The following TRPM3 variants were observed in gnomAD, a reference collection of about 807,000 sequenced individuals.
The protein encoded by TRPM3 is long transient receptor potential channel 3.
TRPM3 carries 77 observed loss-of-function variants against 181.2 expected under a neutral mutation model. The observed-to-expected ratio is 0.42, with a 90% CI of 0.35 to 0.51. TRPM3 has a LOEUF of 0.51. TRPM3 is among the 20% of genes least tolerant of loss of function. TRPM3 has a pLI of 0.01. For synonymous variants in TRPM3, 745 were observed against 796.4 expected, an observed-to-expected ratio of 0.94 and a Z score of 1.09; for missense variants, 1,759 against 2,196.7, an observed-to-expected ratio of 0.80 and a Z score of 3.98.
At chr9:70,909,648 T>C (rs1271877969) in intron 1 of TRPM3, among the ~76,000 whole-genome samples, 2 of 152,142 alleles carry the variant, frequency 1.3e-5, no homozygotes, top group African/African-American at 2.4e-5. Flanking sequence ...GGGTACAATA[T>C]ACAATCTAAT....
At chr9:70,598,369 C>T (rs1181871441) in intron 21 of TRPM3, 50 bp downstream of exon 21, 3 of 1,597,000 alleles carry the variant, frequency 1.9e-6, no homozygotes, top group Non-Finnish European at 2.6e-6. Flanking sequence ...TCTATTATCA[C>T]CATTCCTCCT....
intron 7 of TRPM3, 52 bp from the exon 8 acceptor site, chr9:70,761,776 G>T (rs766945546): frequency 1.3e-6 from 2 of 1,562,560 alleles, no homozygotes; most frequent in South Asian, 2.4e-5. Context: ...TATTCAGCAA[G>T]TATTTCTGAG....
At chr9:70,922,400 C>G (rs2096666749) in intron 1 of TRPM3, among the ~76,000 whole-genome samples, 2 of 152,036 alleles carry the variant, frequency 1.3e-5, no homozygotes, top group African/African-American at 4.8e-5. Flanking sequence ...ACTGTTGTGC[C>G]AATTGCATAT....
intron 1 of TRPM3, among the ~76,000 whole-genome samples, chr9:71,309,220 A>G (rs1273398626): frequency 6.6e-6 from 1 of 152,220 alleles, no homozygotes; most frequent in Non-Finnish European, 1.5e-5. Context: ...GCTTTTTAAT[A>G]GCTGTAACGT....
chr9:70,659,205 C>T (rs947940906), intron 9 of TRPM3, among the ~76,000 whole-genome samples: 2 of 152,074 alleles, frequency 1.3e-5, no homozygotes, highest in African/African-American at 4.8e-5. Flanking sequence ...GTGTGCTTTC[C>T]TTTAAGGAAC....
chr9:71,245,951 A>C (rs1349339860), intron 1 of TRPM3, among the ~76,000 whole-genome samples: 3 of 152,226 alleles, frequency 2.0e-5, no homozygotes, highest in African/African-American at 7.2e-5. Flanking sequence ...GATGAAGTTA[A>C]AGGAGAATGG....
intron 1 of TRPM3, among the ~76,000 whole-genome samples, chr9:71,329,506 C>A (rs2089963598): frequency 6.6e-6 from 1 of 152,042 alleles, no homozygotes; most frequent in African/African-American, 2.4e-5. Context: ...GATGCTGCAG[C>A]AACTAAAGGA....
At chr9:71,080,752 A>T (rs2064178173) in intron 1 of TRPM3, among the ~76,000 whole-genome samples, 1 of 152,180 alleles carries the variant, frequency 6.6e-6, no homozygotes, top group African/African-American at 2.4e-5. Flanking sequence ...AATAGCAAAT[A>T]AAAACACCAT....
At chr9:71,140,646 TATTC>T (rs752967380) in intron 1 of TRPM3, among the ~76,000 whole-genome samples, 1 of 152,168 alleles carries the variant, frequency 6.6e-6, no homozygotes, top group Non-Finnish European at 1.5e-5. Context: ...TTTCTTCATT[TATTC>T]ATTCATTCAT....
chr9:71,006,870 C>CAAAAA (rs35386368), intron 1 of TRPM3, among the ~76,000 whole-genome samples: 7 of 97,128 alleles, frequency 7.2e-5, no homozygotes, highest in African/African-American at 2.1e-4. Context: ...GACTCCGTCT[C>CAAAAA]AAAAAAAAAA....
chr9:70,603,366 G>A lies in TRPM3; in HGVS notation c.2772C>T (p.Thr924=). Residue 924 remains threonine, a synonymous_variant, in exon 20 of 26, where the codon ACC becomes ACT. Transcript: ENST00000677713. ...CCTCTCTCATCTTTTCTATTCCCAG[G>A]GTGAAAATATAGGAGATTACGATCC... ...QEWIVISYIF[T]LGIEKMREIL... The A allele has an allele frequency of 6.2e-7, 1 of 1,613,454 alleles. No individual in the cohort carries two copies. Among genetic ancestry groups the A allele is most frequent in the Admixed American group, 1.7e-5 (1 of 59,908 alleles).
chr9:70,642,362 T>G (rs534546647), intron 9 of TRPM3, among the ~76,000 whole-genome samples: 1 of 152,312 alleles, frequency 6.6e-6, no homozygotes, highest in Non-Finnish European at 1.5e-5. Flanking sequence ...AGAATTCCTC[T>G]TCATCATTGC....
intron 1 of TRPM3, chr9:70,869,069 A>G (rs767662791): frequency 2.0e-6 from 2 of 985,072 alleles, no homozygotes; most frequent in Non-Finnish European, 2.4e-6. Context: ...AGGGCTGGTC[A>G]TTCCGTTAAT....
intron 9 of TRPM3, among the ~76,000 whole-genome samples, chr9:70,671,757 G>A (rs1354362911): frequency 6.6e-6 from 1 of 151,932 alleles, no homozygotes; most frequent in East Asian, 1.9e-4. Flanking sequence ...TTGCCCCTCA[G>A]TAGTTTTATT....
At chr9:71,130,900 C>T (rs1011971896) in intron 1 of TRPM3, among the ~76,000 whole-genome samples, 18 of 152,142 alleles carry the variant, frequency 1.2e-4, no homozygotes, top group Admixed American at 1.3e-4. Context: ...AGCTGTAATG[C>T]GTATGTTTTT....
chr9:71,240,928 ATTTCC>A (rs1157968201), intron 1 of TRPM3, among the ~76,000 whole-genome samples: 1 of 152,162 alleles, frequency 6.6e-6, no homozygotes, highest in Non-Finnish European at 1.5e-5. Flanking sequence ...TATGTTAAAA[ATTTCC>A]TACTATGTAG....
chr9:70,628,504 A>G (rs570741051), intron 12 of TRPM3, among the ~76,000 whole-genome samples: 1 of 152,276 alleles, frequency 6.6e-6, no homozygotes, highest in Admixed American at 6.5e-5. Flanking sequence ...AGATCTATAA[A>G]TTTGTGCCTA....
intron 1 of TRPM3, among the ~76,000 whole-genome samples, chr9:71,162,339 C>T (rs564687690): frequency 2.0e-5 from 3 of 151,934 alleles, no homozygotes; most frequent in Non-Finnish European, 4.4e-5. Context: ...AGGTCTCATA[C>T]CTACCATACA....
intron 1 of TRPM3, among the ~76,000 whole-genome samples, chr9:71,402,383 T>A (rs1459893069): frequency 6.6e-6 from 1 of 152,204 alleles, no homozygotes; most frequent in Non-Finnish European, 1.5e-5. Context: ...CTCCTCGAGA[T>A]AAATTCTTCT....
Sources: allele counts gnomAD v4.1 joint callset (sites outside exome capture counted in the v4.1 genomes callset), GRCh38; gene constraint gnomAD v4.1.1; transcripts MANE v1.5; gene names NCBI Gene and HGNC (gene_info 2026-07-23, HGNC 2026-07-21).